POT1: variants seen among roughly 807,000 people sequenced by gnomAD.
POT1 encodes protection of telomeres protein 1.
POT1 carries 47 observed loss-of-function variants against 78.5 expected under a neutral mutation model. The observed-to-expected ratio is 0.60, with a 90% CI of 0.47 to 0.76. POT1 has a LOEUF of 0.76. POT1 is among the 30% of genes least tolerant of loss of function. The pLI, the probability that POT1 is intolerant of heterozygous loss-of-function variation, is 0.00. For synonymous variants in POT1, 259 were observed against 260.7 expected (o/e 0.99, Z 0.06); for missense variants, 646 against 749.9 (o/e 0.86, Z 1.62).
intron 6 of POT1, among the ~76,000 whole-genome samples, chr7:124,889,398 T>A (rs1380631927): frequency 1.3e-5 from 2 of 152,018 alleles, no homozygotes; most frequent in African/African-American, 2.4e-5. Flanking sequence ...CTTCATAAGA[T>A]AAAGTACAAG....
chr7:124,824,097 A>T (rs747275057), intron 18 of POT1, 23 bp from the exon 19 acceptor site: 47 of 1,472,874 alleles, frequency 3.2e-5, no homozygotes, highest in Non-Finnish European at 4.2e-5. Flanking sequence ...AAACAAAAAA[A>T]GCGATTTAAC....
chr7:124,878,936 C>CAAT, intron 6 of POT1, among the ~76,000 whole-genome samples: 1 of 151,864 alleles, frequency 6.6e-6, no homozygotes, highest in African/African-American at 2.4e-5. Flanking sequence ...TAAACAACAA[C>CAAT]ACTGAATAAA....
chr7:124,859,140 T>C (rs1795521902), intron 8 of POT1, 28 bp from the exon 9 acceptor site: 1 of 1,449,638 alleles, frequency 6.9e-7, no homozygotes, highest in Non-Finnish European at 9.2e-7. Flanking sequence ...AGTAGTTTTA[T>C]GATCCTTTTG....
intron 8 of POT1, among the ~76,000 whole-genome samples, chr7:124,860,158 C>G (rs1795551993): frequency 6.6e-6 from 1 of 151,798 alleles, no homozygotes. Flanking sequence ...AAAAATCACT[C>G]ATATTTCCCA....
At chr7:124,876,968 A>G (rs1796004440) in intron 6 of POT1, among the ~76,000 whole-genome samples, 1 of 152,192 alleles carries the variant, frequency 6.6e-6, no homozygotes, top group South Asian at 2.1e-4. Context: ...GAAGCCCCAA[A>G]AGTAAATTGT....
chr7:124,864,735 T>G (rs1171179429), intron 7 of POT1, among the ~76,000 whole-genome samples: 5 of 152,210 alleles, frequency 3.3e-5, no homozygotes, highest in Non-Finnish European at 7.4e-5. Context: ...TTCCATTTAC[T>G]TATCCCATCC....
chr7:124,922,597 G>C (rs1170936702), intron 2 of POT1, among the ~76,000 whole-genome samples: 1 of 151,924 alleles, frequency 6.6e-6, no homozygotes, highest in Non-Finnish European at 1.5e-5. Context: ...GTATACCTTA[G>C]TAAGGATGTA....
intron 13 of POT1, among the ~76,000 whole-genome samples, chr7:124,842,284 A>T (rs1795046214): frequency 6.6e-6 from 1 of 152,032 alleles, no homozygotes; most frequent in Non-Finnish European, 1.5e-5. Flanking sequence ...AGGATTACAA[A>T]ACAGTTATAT....
chr7:124,863,562 C>A lies in POT1; in HGVS notation c.334G>T (p.Ala112Ser). The change falls in exon 8 of 19, where the codon GCC (alanine) becomes TCC (serine). Residue 112 changes from alanine to serine, a missense_variant. Ala to Ser is a moderately conservative substitution (Grantham distance 99). Coordinates refer to ENST00000357628, the MANE Select transcript of POT1 (RefSeq NM_015450.3). ...ASLTFEGTLGAPIIPRTSSKY... is the reference protein window; with the variant it reads ...ASLTFEGTLGSPIIPRTSSKY... ...CTTGAAGTGCGAGGTATGATAGGGG[C>A]TCCCAAAGTTCCCTCAAACGTCAAA... 2 of 1,613,754 alleles carry A rather than the reference C, an allele frequency of 1.2e-6. No homozygotes were observed. Among genetic ancestry groups the A allele is most frequent in the Non-Finnish European group, 1.7e-6 (2 of 1,179,768 alleles).
chr7:124,857,578 C>T (rs891211219), intron 9 of POT1, among the ~76,000 whole-genome samples: 20 of 152,170 alleles, frequency 1.3e-4, no homozygotes, highest in Non-Finnish European at 2.1e-4. Flanking sequence ...GGCTGGATGT[C>T]AGAGAGAAGC....
chr7:124,861,385 T>C (rs895063481), intron 8 of POT1, among the ~76,000 whole-genome samples: 1 of 152,158 alleles, frequency 6.6e-6, no homozygotes, highest in African/African-American at 2.4e-5. Context: ...ATATGTCTGT[T>C]AGCCACATAA....
chr7:124,916,286 CTCAATTTTACTTATACA>C (rs1797013285), intron 2 of POT1, among the ~76,000 whole-genome samples: 2 of 151,962 alleles, frequency 1.3e-5, no homozygotes, highest in African/African-American at 2.4e-5. Context: ...TAAAATAGGA[CTCAATTTTACTTATACA>C]TCAATTTTAC....
intron 11 of POT1, 49 bp from the exon 12 acceptor site, chr7:124,847,047 T>A: frequency 7.7e-7 from 1 of 1,302,924 alleles, no homozygotes; most frequent in Non-Finnish European, 1.1e-6. Context: ...AACTTCATTG[T>A]AGAACTGAAA....
intron 18 of POT1, among the ~76,000 whole-genome samples, chr7:124,824,646 A>T (rs1451090279): frequency 2.0e-5 from 3 of 152,112 alleles, no homozygotes; most frequent in African/African-American, 7.2e-5. Flanking sequence ...ACGATAAAAA[A>T]TTGTTAGAAA....
intron 10 of POT1, among the ~76,000 whole-genome samples, 172 bp downstream of exon 10, chr7:124,852,800 T>G (rs992010484): frequency 6.6e-6 from 1 of 152,250 alleles, no homozygotes; most frequent in Non-Finnish European, 1.5e-5. Context: ...CTGCTACTAC[T>G]TAGCTCTATG....
intron 6 of POT1, among the ~76,000 whole-genome samples, chr7:124,882,321 C>T (rs1796138625): frequency 6.6e-6 from 1 of 151,918 alleles, no homozygotes; most frequent in African/African-American, 2.4e-5. Context: ...TCAAGTAATA[C>T]CTATGAAGGC....
At chr7:124,892,144 T>G in intron 6 of POT1, 122 bp downstream of exon 6, 1 of 587,974 alleles carries the variant, frequency 1.7e-6, no homozygotes, top group Non-Finnish European at 3.0e-6. Context: ...GCATCAGTGT[T>G]GTTTGGCAAT....
chr7:124,886,570 C>T (rs971708938), intron 6 of POT1, among the ~76,000 whole-genome samples: 2 of 152,002 alleles, frequency 1.3e-5, no homozygotes, highest in Non-Finnish European at 2.9e-5. Flanking sequence ...AAAGCTTCAA[C>T]GACCAGGTTC....
At position 124,861,859 on chromosome 7, in the gene POT1, G is replaced by C. The variant is rs1795606009; in HGVS notation, c.546+1491C>G. On this transcript the variant is annotated intron_variant, in intron 8 of 18. Coordinates refer to ENST00000357628, the MANE Select transcript of POT1 (RefSeq NM_015450.3). ...TTCCCAACACCACTTATTAAATAGGGAATCCTTTCCCCATTGCTTGTTTTT... is the reference window on the plus strand; with the variant it reads ...TTCCCAACACCACTTATTAAATAGGCAATCCTTTCCCCATTGCTTGTTTTT... Among the ~76,000 whole-genome samples, 4 of 152,142 alleles carry C rather than the reference G, an allele frequency of 2.6e-5. No homozygotes were observed. The South Asian group carries it at 8.3e-4, about 32-fold the overall frequency.
Sources: allele counts gnomAD v4.1 joint callset (sites outside exome capture counted in the v4.1 genomes callset), GRCh38; gene constraint gnomAD v4.1.1; transcripts MANE v1.5; gene names NCBI Gene and HGNC (gene_info 2026-07-23, HGNC 2026-07-21).